The following ELMO1 variants were observed in gnomAD, a reference collection of about 807,000 sequenced individuals.
The protein encoded by ELMO1 is engulfment and cell motility 1.
Under a neutral mutation model 98.9 loss-of-function variants are expected in ELMO1, and 26 were observed. The ratio of observed to expected loss-of-function variants is 0.26; its 90% CI spans 0.19 to 0.36. The LOEUF is 0.36. ELMO1 is among the 10% of genes least tolerant of loss of function. ELMO1 has a pLI of 1.00. For missense variants in ELMO1, 627 were observed against 935.2 expected (o/e 0.67, Z 4.30); for synonymous variants, 346 against 346.0 (o/e 1.00, Z 0.00).
At chr7:36,894,249 G>C (rs1805795306) in intron 17 of ELMO1, among the ~76,000 whole-genome samples, 1 of 152,162 alleles carries the variant, frequency 6.6e-6, no homozygotes, top group Non-Finnish European at 1.5e-5. Flanking sequence ...TTTTGCAATG[G>C]TTGCAAGTGG....
At chr7:37,362,984 C>T (rs1801755088) in intron 1 of ELMO1, among the ~76,000 whole-genome samples, 2 of 152,222 alleles carry the variant, frequency 1.3e-5, no homozygotes, top group Non-Finnish European at 2.9e-5. Context: ...GCAGACTAAA[C>T]CATTGAGTTT....
intron 15 of ELMO1, among the ~76,000 whole-genome samples, chr7:37,020,749 G>A (rs1185748847): frequency 6.6e-6 from 1 of 152,194 alleles, no homozygotes; most frequent in Non-Finnish European, 1.5e-5. Context: ...GACTTCATGA[G>A]CTATTGCAAC....
At chr7:36,998,432 T>G (rs1442437451) in intron 16 of ELMO1, among the ~76,000 whole-genome samples, 1 of 152,174 alleles carries the variant, frequency 6.6e-6, no homozygotes, top group Non-Finnish European at 1.5e-5. Flanking sequence ...TCTAAAAATG[T>G]TGCTAGTAAC....
intron 13 of ELMO1, among the ~76,000 whole-genome samples, chr7:37,193,465 C>T (rs139055367): frequency 1.2e-4 from 18 of 152,274 alleles, no homozygotes; most frequent in Non-Finnish European, 2.4e-4. Context: ...CAGCCCAGAG[C>T]GGTCACCCCT....
intron 14 of ELMO1, among the ~76,000 whole-genome samples, chr7:37,121,542 G>T (rs1786039923): frequency 2.0e-5 from 3 of 152,086 alleles, no homozygotes; most frequent in Non-Finnish European, 4.4e-5. Flanking sequence ...AAGATCAAAT[G>T]AATGAAATGA....
chr7:37,348,515 C>T (rs559087987), intron 1 of ELMO1, among the ~76,000 whole-genome samples: 1 of 152,186 alleles, frequency 6.6e-6, no homozygotes, highest in South Asian at 2.1e-4. Flanking sequence ...CCTCGATATG[C>T]ATGTTAAGTG....
At chr7:37,297,205 C>T (rs935616912) in intron 4 of ELMO1, among the ~76,000 whole-genome samples, 1 of 152,104 alleles carries the variant, frequency 6.6e-6, no homozygotes, top group African/African-American at 2.4e-5. Context: ...TCAGAGTTTA[C>T]GCTGATTGTT....
At chr7:37,215,348 G>C (rs572424982) in intron 11 of ELMO1, among the ~76,000 whole-genome samples, 2 of 152,238 alleles carry the variant, frequency 1.3e-5, no homozygotes, top group South Asian at 4.2e-4. Flanking sequence ...GGAGAGGGAG[G>C]GGGGATAGTG....
At chr7:37,297,858 G>T (rs899266483) in intron 4 of ELMO1, among the ~76,000 whole-genome samples, 1 of 152,146 alleles carries the variant, frequency 6.6e-6, no homozygotes, top group Non-Finnish European at 1.5e-5. Context: ...TATGATGGCT[G>T]CTATATATTA....
Position 36,870,439 on chromosome 7 carries a change from T to C in ELMO1, c.1859A>G (p.Lys620Arg). ...VADIKAVVTG[K>R]DCPHMKEKGA... is the part of the protein sequence containing the mutation. ...TTTCTCTTTCATATGAGGGCAGTCC[T>C]TTCCCGTCACCACGGCTTTGATATC... The change falls in exon 20 of 22, where the codon AAG (lysine) becomes AGG (arginine). Residue 620 changes from lysine (K) to arginine (R), a missense_variant. Coordinates refer to ENST00000310758, the MANE Select transcript of ELMO1 (RefSeq NM_014800.11). The surrounding 1 kb of genome is among the most constrained non-coding windows in gnomAD (Gnocchi z 4.4). The C allele has an allele frequency of 6.2e-7, 1 of 1,614,114 alleles. No individual in the cohort carries two copies.
At chr7:37,438,168 T>G (rs1350215181) in intron 1 of ELMO1, among the ~76,000 whole-genome samples, 1 of 152,142 alleles carries the variant, frequency 6.6e-6, no homozygotes, top group African/African-American at 2.4e-5. Flanking sequence ...AAAAGACATA[T>G]AAAGCAAACT....
chr7:37,208,502 C>A (rs1792766814), intron 13 of ELMO1, among the ~76,000 whole-genome samples: 1 of 152,212 alleles, frequency 6.6e-6, no homozygotes, highest in African/African-American at 2.4e-5. Flanking sequence ...TCAAATTAAT[C>A]CTTAAAGTTC....
chr7:37,297,941 T>C (rs915537217), intron 4 of ELMO1, among the ~76,000 whole-genome samples: 3 of 152,218 alleles, frequency 2.0e-5, no homozygotes, highest in African/African-American at 4.8e-5. Flanking sequence ...GACTTAAATA[T>C]GTTTGAAGTA....
chr7:36,860,349 T>C lies in ELMO1; in HGVS notation c.1983+1310A>G, dbSNP rs571162836. Among the ~76,000 whole-genome samples the C allele has an allele frequency of 4.7e-4, 72 of 152,338 alleles. 3 individuals carry two copies. The South Asian group carries it at 0.014, about 31-fold the overall frequency. On this transcript the variant is annotated intron_variant, in intron 21 of 21. Transcript: ENST00000310758. Reference sequence around the variant, plus strand: ...TTCTGGGAGGTCTCTCCGTGCTCATTTGATAAATGAGAATGTCTGTAATAG... The same window carrying C: ...TTCTGGGAGGTCTCTCCGTGCTCATCTGATAAATGAGAATGTCTGTAATAG...
chr7:37,395,808 G>A lies in ELMO1; in HGVS notation c.-74+52867C>T, dbSNP rs192517818. Among the ~76,000 whole-genome samples, 3 of 151,566 alleles carry A rather than the reference G, an allele frequency of 2.0e-5. No individual in the cohort carries two copies. In the East Asian group the frequency reaches 5.8e-4, roughly 29 times the overall value. ...ACTGTAAGCAAACATTCAGGGCTGA[G>A]GTAGGAGATAGGGACTTTCCAAGTA... On this transcript the variant is annotated intron_variant, in intron 1 of 21. Coordinates refer to ENST00000310758, the MANE Select transcript of ELMO1 (RefSeq NM_014800.11).
At chr7:37,117,268 T>C (rs1413112162) in intron 14 of ELMO1, 1 of 153,054 alleles carries the variant, frequency 6.5e-6, no homozygotes, top group African/African-American at 2.4e-5. Flanking sequence ...AACCTAATGC[T>C]CAGCTTGGGG....
chr7:37,013,457 T>C lies in ELMO1; in HGVS notation c.1301-22A>G. On this transcript the variant is annotated intron_variant, in intron 15 of 21. Coordinates refer to ENST00000310758, the MANE Select transcript of ELMO1 (RefSeq NM_014800.11). ...CTAGCTGGAGGAAAGAGATGGAAAA[T>C]AAGAGAAAAAGTTTTAAAACAGTGA... The C allele has an allele frequency of 2.5e-6, 4 of 1,612,124 alleles. No homozygotes were observed. In the East Asian group the frequency reaches 8.9e-5, roughly 36 times the overall value.
chr7:37,447,939 T>C (rs895189937), intron 1 of ELMO1, among the ~76,000 whole-genome samples: 1 of 150,848 alleles, frequency 6.6e-6, no homozygotes, highest in Admixed American at 6.6e-5. Flanking sequence ...GCGCGCCCGG[T>C]GCGTCCCCTC....
chr7:37,335,539 C>G (rs1467936971), intron 2 of ELMO1, among the ~76,000 whole-genome samples: 1 of 152,098 alleles, frequency 6.6e-6, no homozygotes, highest in East Asian at 1.9e-4. Flanking sequence ...TACCAGAAAG[C>G]TCAAGAATCA....
Sources: allele counts gnomAD v4.1 joint callset (sites outside exome capture counted in the v4.1 genomes callset), GRCh38; gene constraint gnomAD v4.1.1; non-coding constraint Gnocchi (gnomAD v3.1); transcripts MANE v1.5; gene names NCBI Gene and HGNC (gene_info 2026-07-23, HGNC 2026-07-21).